SGTB: variants seen among roughly 807,000 people sequenced by gnomAD.
The protein encoded by SGTB is small glutamine-rich tetratricopeptide repeat-containing protein beta.
In SGTB, 19 loss-of-function variants were observed where a neutral mutation model predicts 43.9. That is an observed-to-expected ratio of 0.43 (90% CI 0.30 to 0.63). SGTB has a LOEUF of 0.63. SGTB is among the 30% of genes least tolerant of loss of function. The pLI, the probability that SGTB is intolerant of heterozygous loss-of-function variation, is 0.12. For synonymous variants in SGTB, 116 were observed against 117.3 expected (o/e 0.99, Z 0.07); for missense variants, 304 against 358.9 (o/e 0.85, Z 1.24).
intron 5 of SGTB, among the ~76,000 whole-genome samples, chr5:65,702,751 A>G (rs1482404680): frequency 6.6e-6 from 1 of 152,232 alleles, no homozygotes; most frequent in Non-Finnish European, 1.5e-5. Context: ...TATGAATTTT[A>G]AGGGGATAGA....
chr5:65,686,838 G>A (rs1757509177), intron 5 of SGTB, among the ~76,000 whole-genome samples: 1 of 152,172 alleles, frequency 6.6e-6, no homozygotes, highest in South Asian at 2.1e-4. Context: ...AAGTATCAGT[G>A]AGGATCCTTG....
chr5:65,682,863 A>G (rs930897479), intron 6 of SGTB, among the ~76,000 whole-genome samples: 1 of 152,198 alleles, frequency 6.6e-6, no homozygotes, highest in Non-Finnish European at 1.5e-5. Flanking sequence ...CTATAAAGTC[A>G]CCATGAACAA....
At chr5:65,673,419 C>T (rs1757197267) in intron 8 of SGTB, among the ~76,000 whole-genome samples, 2 of 152,156 alleles carry the variant, frequency 1.3e-5, no homozygotes, top group South Asian at 4.1e-4. Context: ...GGCGAGCAAG[C>T]ATTACTGCCT....
chr5:65,679,509 C>T (rs902511613), intron 8 of SGTB, among the ~76,000 whole-genome samples: 13 of 152,126 alleles, frequency 8.5e-5, no homozygotes, highest in African/African-American at 3.1e-4. Context: ...CCCAGCTACT[C>T]AGGAGGCTGA....
upstream of SGTB, chr5:65,722,250 C>T (rs901143549): frequency 1.5e-5 from 9 of 592,248 alleles, no homozygotes; most frequent in Non-Finnish European, 2.4e-5. Flanking sequence ...GCTGGCCAGG[C>T]AGCCACTGTG....
At chr5:65,703,583 G>C (rs1021429434) in intron 5 of SGTB, among the ~76,000 whole-genome samples, 1 of 152,050 alleles carries the variant, frequency 6.6e-6, no homozygotes, top group African/African-American at 2.4e-5. Flanking sequence ...GCCAGGCATG[G>C]TGGTGTGCAC....
intron 4 of SGTB, among the ~76,000 whole-genome samples, chr5:65,707,367 C>T: frequency 6.7e-6 from 1 of 148,292 alleles, no homozygotes; most frequent in South Asian, 2.2e-4. Flanking sequence ...TGTTTCATAT[C>T]CACCTTTTTA....
At position 65,670,005 on chromosome 5, in the gene SGTB, C is replaced by A. The variant is rs541463077; in HGVS notation, c.*241G>T. The A allele has an allele frequency of 9.6e-6, 4 of 417,082 alleles. No individual in the cohort carries two copies. In the South Asian group the frequency reaches 1.4e-4, roughly 15 times the overall value. The allele number at this position is 417,082 out of a possible 1,614,324, so 25.8% of individuals were successfully genotyped here. Reference sequence around the variant, plus strand: ...ACCTTATCCCAGTGCTATATTGGCACGTAACATGGCTAGTGATCATTTCAA... The same window carrying A: ...ACCTTATCCCAGTGCTATATTGGCAAGTAACATGGCTAGTGATCATTTCAA... On this transcript the variant is annotated 3_prime_UTR_variant, in exon 11 of 11. Transcript: ENST00000381007.
chr5:65,671,827 TAA>T, intron 10 of SGTB, 86 bp downstream of exon 10: 2 of 1,195,658 alleles, frequency 1.7e-6, no homozygotes, highest in Middle Eastern at 2.0e-4. Flanking sequence ...GATAAACATT[TAA>T]AAAGAAAGCC....
chr5:65,705,845 T>C (rs1757922576), intron 4 of SGTB, among the ~76,000 whole-genome samples: 1 of 142,544 alleles, frequency 7.0e-6, no homozygotes, highest in Non-Finnish European at 1.5e-5. Context: ...CTGGGCAACA[T>C]GGTGAAACCC....
chr5:65,685,865 C>A (rs1037077512), intron 5 of SGTB, among the ~76,000 whole-genome samples: 1 of 152,338 alleles, frequency 6.6e-6, no homozygotes, highest in South Asian at 2.1e-4. Flanking sequence ...GCTATTATCA[C>A]TTTAATGGTA....
At position 65,712,825 on chromosome 5, in the gene SGTB, C is replaced by T. The variant is rs546139917; in HGVS notation, c.204+136G>A. 136 of 520,790 alleles carry T rather than the reference C, an allele frequency of 2.6e-4. 1 individual carries two copies. The highest frequency in any genetic ancestry group is 1.4e-3 in the Middle Eastern group (4 of 2,836). The allele number at this position is 520,790 out of a possible 1,614,324, so 32.3% of individuals were successfully genotyped here. ...TTATATTTTAGATACCCAATTATAT[C>T]CATATAGACAGACTATTTACCTTAT... On this transcript the variant is annotated intron_variant, in intron 3 of 10. Coordinates refer to ENST00000381007, the MANE Select transcript of SGTB (RefSeq NM_019072.3).
chr5:65,719,806 A>G (rs1758222437), intron 2 of SGTB, among the ~76,000 whole-genome samples: 1 of 152,198 alleles, frequency 6.6e-6, no homozygotes, highest in Non-Finnish European at 1.5e-5. Flanking sequence ...ACCGAATCCA[A>G]TATTAAAGTT....
At chr5:65,720,600 C>CA (rs1222447582) in intron 2 of SGTB, 108 bp downstream of exon 2, 12 of 1,333,688 alleles carry the variant, frequency 9.0e-6, no homozygotes, top group South Asian at 1.6e-5. Flanking sequence ...CTTGAAAGAT[C>CA]AAAAAAAATT....
chr5:65,694,258 C>T (rs527857506), intron 5 of SGTB, among the ~76,000 whole-genome samples: 28 of 151,906 alleles, frequency 1.8e-4, no homozygotes, highest in African/African-American at 6.3e-4. Context: ...AGTGAAACCC[C>T]GTCTCTACTA....
At position 65,666,584 on chromosome 5, in the gene SGTB, A is replaced by C. The variant is rs1239475216; in HGVS notation, c.*3662T>G. On this transcript the variant is annotated 3_prime_UTR_variant, in exon 11 of 11. Transcript: ENST00000381007. Reference sequence around the variant, plus strand: ...AGACAAGCAAGAAAATATATGGGGCATTTTTTATAAATTTAAAAGTAGCTA... The same window carrying C: ...AGACAAGCAAGAAAATATATGGGGCCTTTTTTATAAATTTAAAAGTAGCTA... 1.3e-5 allele frequency: 2 copies of C among 152,180 alleles called. No individual in the cohort carries two copies. The highest frequency in any genetic ancestry group is 2.9e-5 in the Non-Finnish European group (2 of 67,992). The allele number at this position is 152,180 out of a possible 1,614,324, so 9.4% of individuals were successfully genotyped here. A position where few individuals can be genotyped will look rare whatever the true frequency, so the allele number is the denominator to read the frequency against.
intron 5 of SGTB, among the ~76,000 whole-genome samples, chr5:65,693,070 C>T (rs1330217461): frequency 2.0e-5 from 3 of 151,774 alleles, no homozygotes; most frequent in African/African-American, 4.8e-5. Flanking sequence ...CTGGGTGTCC[C>T]GTGGTCCCTG....
intron 8 of SGTB, among the ~76,000 whole-genome samples, chr5:65,673,812 T>G (rs1310963818): frequency 6.6e-6 from 1 of 152,068 alleles, no homozygotes; most frequent in African/African-American, 2.4e-5. Context: ...TGCACCACCA[T>G]GCCCAGCTAA....
At chr5:65,700,118 G>C (rs144747018) in intron 5 of SGTB, among the ~76,000 whole-genome samples, 294 of 152,284 alleles carry the variant, frequency 1.9e-3, no homozygotes, top group African/African-American at 6.5e-3. Context: ...CTGATATATA[G>C]TTATGCTATC....
Sources: gnomAD v4.1 joint callset for allele counts (sites outside exome capture counted in the v4.1 genomes callset) on GRCh38, gnomAD v4.1.1 for gene constraint, MANE v1.5 for transcripts, NCBI Gene and HGNC (gene_info 2026-07-23, HGNC 2026-07-21) for gene names.